The following TMEM178B variants were observed in gnomAD, a reference collection of about 807,000 sequenced individuals.
TMEM178B encodes transmembrane protein 178B.
TMEM178B carries 5 observed loss-of-function variants against 31.0 expected under a neutral mutation model. That is an observed-to-expected ratio of 0.16 (90% CI 0.08 to 0.34). The LOEUF (loss-of-function observed/expected upper bound fraction) is 0.34. TMEM178B is among the 10% of genes least tolerant of loss of function. The probability of loss-of-function intolerance (pLI) is 1.00; values close to 1 mark genes in which losing one functional copy is unlikely to be tolerated. For synonymous variants in TMEM178B, 164 were observed against 164.0 expected (o/e 1.00, Z 0.00); for missense variants, 275 against 400.3 (o/e 0.69, Z 2.67).
At chr7:141,252,901 C>T (rs1005366123) in intron 2 of TMEM178B, among the ~76,000 whole-genome samples, 5 of 152,364 alleles carry the variant, frequency 3.3e-5, no homozygotes, top group African/African-American at 4.8e-5. Flanking sequence ...TCTCCTTGCC[C>T]TGTGAAGCTG....
chr7:141,168,927 CAG>C (rs1238248873), intron 1 of TMEM178B, among the ~76,000 whole-genome samples: 2 of 152,148 alleles, frequency 1.3e-5, no homozygotes, highest in Non-Finnish European at 2.9e-5. Context: ...ATGATCAAAT[CAG>C]AGCAATTGGG....
intron 2 of TMEM178B, among the ~76,000 whole-genome samples, chr7:141,411,299 A>G (rs932055777): frequency 2.0e-5 from 3 of 152,174 alleles, no homozygotes; most frequent in Non-Finnish European, 4.4e-5. Context: ...CCTAATGGGG[A>G]CAGAATTTTA....
chr7:141,481,176 A>G (rs1393887119), downstream of TMEM178B, among the ~76,000 whole-genome samples: 2 of 152,210 alleles, frequency 1.3e-5, no homozygotes, highest in Non-Finnish European at 2.9e-5. Flanking sequence ...CACCTCCACC[A>G]GGATGAATCC....
At chr7:141,352,522 GCACGCGCCAC>G (rs1799749931) in intron 2 of TMEM178B, among the ~76,000 whole-genome samples, 1 of 152,052 alleles carries the variant, frequency 6.6e-6, no homozygotes. Flanking sequence ...GGGATTACAA[GCACGCGCCAC>G]CACGCCCCAC....
At chr7:141,431,690 G>A (rs1395672589) in intron 2 of TMEM178B, among the ~76,000 whole-genome samples, 1 of 152,146 alleles carries the variant, frequency 6.6e-6, no homozygotes, top group Non-Finnish European at 1.5e-5. Context: ...TCTTAGGCCA[G>A]TCCCACATCA....
intron 1 of TMEM178B, among the ~76,000 whole-genome samples, chr7:141,186,535 T>A (rs1345059294): frequency 3.3e-5 from 5 of 152,192 alleles, no homozygotes; most frequent in Non-Finnish European, 7.3e-5. Flanking sequence ...TTTATTGATG[T>A]TGTTTGTTTT....
intron 1 of TMEM178B, among the ~76,000 whole-genome samples, chr7:141,112,905 C>T (rs575317991): frequency 6.6e-6 from 1 of 152,232 alleles, no homozygotes; most frequent in South Asian, 2.1e-4. Flanking sequence ...TCCTCTAGCC[C>T]CTCATGTGGG....
chr7:141,201,433 G>T (rs1288712569), intron 1 of TMEM178B, among the ~76,000 whole-genome samples: 3 of 152,198 alleles, frequency 2.0e-5, no homozygotes, highest in Non-Finnish European at 2.9e-5. Flanking sequence ...AGACTTGTGG[G>T]TGGGGAGGGG....
intron 1 of TMEM178B, among the ~76,000 whole-genome samples, chr7:141,087,980 C>A (rs962441331): frequency 5.9e-5 from 9 of 152,126 alleles, no homozygotes; most frequent in African/African-American, 1.7e-4. Context: ...AACTTCAGTG[C>A]TCATGTTTTG....
chr7:141,422,056 G>A lies in TMEM178B; in HGVS notation c.497-15552G>A, dbSNP rs536670752. Among the ~76,000 whole-genome samples the A allele has an allele frequency of 8.5e-5, 13 of 152,148 alleles. No homozygotes were observed. Among genetic ancestry groups the A allele is most frequent in the Admixed American group, 2.0e-4 (3 of 15,286 alleles). On this transcript the variant is annotated intron_variant, in intron 2 of 3. Transcript: ENST00000565468. The surrounding 1 kb of genome is among the most constrained non-coding windows in gnomAD (Gnocchi z 4.2). The stretch of plus-strand genomic sequence containing the variant: ...TTACATCTTCTCCCTTTCCCAGCTC[G>A]GGCTTGACATTTTCTTAGAAACCTG...
At chr7:141,251,703 C>T (rs1206894805) in intron 2 of TMEM178B, among the ~76,000 whole-genome samples, 4 of 152,148 alleles carry the variant, frequency 2.6e-5, no homozygotes, top group Admixed American at 6.5e-5. Flanking sequence ...TTATCCACCC[C>T]GCATTGTACC....
the TMEM178B span, among the ~76,000 whole-genome samples, chr7:141,491,444 C>A: frequency 6.6e-6 from 1 of 152,116 alleles, no homozygotes; most frequent in African/African-American, 2.4e-5. Flanking sequence ...TCTCTAGATT[C>A]TTTTCATAAA....
At chr7:141,249,793 C>T (rs1399000171) in intron 2 of TMEM178B, among the ~76,000 whole-genome samples, 1 of 152,146 alleles carries the variant, frequency 6.6e-6, no homozygotes, top group African/African-American at 2.4e-5. Flanking sequence ...TTCATCTTTT[C>T]CCTGGAGATG....
chr7:141,510,747 G>A, the TMEM178B span, among the ~76,000 whole-genome samples: 2 of 143,918 alleles, frequency 1.4e-5, no homozygotes, highest in Non-Finnish European at 3.0e-5. Flanking sequence ...AGTGCTTGGT[G>A]GATCCAGGCA....
At chr7:141,402,163 A>G (rs1173166928) in intron 2 of TMEM178B, among the ~76,000 whole-genome samples, 1 of 152,238 alleles carries the variant, frequency 6.6e-6, no homozygotes, top group Non-Finnish European at 1.5e-5. Context: ...AAGGCACTCC[A>G]AGGAAGGGTT....
intron 2 of TMEM178B, among the ~76,000 whole-genome samples, chr7:141,373,673 G>A (rs1202754831): frequency 6.6e-6 from 1 of 152,096 alleles, no homozygotes; most frequent in Non-Finnish European, 1.5e-5. Context: ...CATTGGGCAG[G>A]CTGCTCCCGG....
At chr7:141,196,683 G>A (rs1796788642) in intron 1 of TMEM178B, among the ~76,000 whole-genome samples, 1 of 152,168 alleles carries the variant, frequency 6.6e-6, no homozygotes, top group South Asian at 2.1e-4. Flanking sequence ...TCCCCTGGGT[G>A]CGTCGAATAT....
chr7:141,267,979 C>G (rs1341366884), intron 2 of TMEM178B, among the ~76,000 whole-genome samples: 3 of 152,220 alleles, frequency 2.0e-5, no homozygotes, highest in Non-Finnish European at 4.4e-5. Flanking sequence ...AGCCTGATTC[C>G]AGCCCATTTG....
At chr7:141,331,408 T>C (rs527276604) in intron 2 of TMEM178B, among the ~76,000 whole-genome samples, 3 of 152,178 alleles carry the variant, frequency 2.0e-5, no homozygotes, top group Non-Finnish European at 4.4e-5. Flanking sequence ...GCTTAGAAGC[T>C]GTGTGGATAA....
Sources: gnomAD v4.1 joint callset for allele counts (sites outside exome capture counted in the v4.1 genomes callset) on GRCh38, gnomAD v4.1.1 for gene constraint, Gnocchi (gnomAD v3.1) non-coding constraint, MANE v1.5 for transcripts, NCBI Gene and HGNC (gene_info 2026-07-23, HGNC 2026-07-21) for gene names.